Variants in GUCY1B1 observed in about 807,000 individuals in gnomAD.
GUCY1B1 encodes guanylate cyclase soluble subunit beta-1.
In GUCY1B1, 43 loss-of-function variants were observed where a neutral mutation model predicts 71.0. The observed-to-expected ratio is 0.61, with a 90% CI of 0.47 to 0.78. The LOEUF is 0.78. Ranked by LOEUF, GUCY1B1 falls within the 30% of genes least tolerant of loss-of-function variation. The pLI, the probability that GUCY1B1 is intolerant of heterozygous loss-of-function variation, is 0.00. For missense variants in GUCY1B1, 535 were observed against 754.1 expected, an observed-to-expected ratio of 0.71 and a Z score of 3.40; for synonymous variants, 266 against 259.7, an observed-to-expected ratio of 1.02 and a Z score of -0.23.
chr4:155,770,790 G>A (rs1015469225), intron 2 of GUCY1B1, among the ~76,000 whole-genome samples: 1 of 141,062 alleles, frequency 7.1e-6, no homozygotes, highest in African/African-American at 2.6e-5. Flanking sequence ...TCCCCATGAA[G>A]CCTACCATGA....
chr4:155,773,177 CT>C (rs1226150507), intron 2 of GUCY1B1, among the ~76,000 whole-genome samples: 1 of 152,228 alleles, frequency 6.6e-6, no homozygotes, highest in Admixed American at 6.5e-5. Flanking sequence ...GACATCCAAG[CT>C]CCATGTATTT....
intron 4 of GUCY1B1, among the ~76,000 whole-genome samples, chr4:155,778,859 A>C (rs532660621): frequency 1.3e-5 from 2 of 152,198 alleles, no homozygotes; most frequent in Non-Finnish European, 2.9e-5. Flanking sequence ...TTTGTTGGCC[A>C]CTATCAACTT....
chr4:155,769,875 CATA>C (rs971913489), intron 2 of GUCY1B1, among the ~76,000 whole-genome samples: 9 of 151,620 alleles, frequency 5.9e-5, no homozygotes, highest in Admixed American at 3.9e-4. Flanking sequence ...TATATAATTA[CATA>C]ATAATAATGT....
intron 2 of GUCY1B1, among the ~76,000 whole-genome samples, chr4:155,773,302 C>T (rs1401600623): frequency 6.6e-6 from 1 of 152,156 alleles, no homozygotes; most frequent in African/African-American, 2.4e-5. Context: ...TTGTTACATG[C>T]GTAGTAGGTG....
chr4:155,804,788 A>ACC, intron 12 of GUCY1B1, 41 bp downstream of exon 12: 1 of 1,548,696 alleles, frequency 6.5e-7, no homozygotes, highest in Non-Finnish European at 8.8e-7. Context: ...TTGCAAAGAA[A>ACC]ATGTGTCTTT....
chr4:155,791,258 G>A (rs919173165), intron 5 of GUCY1B1, among the ~76,000 whole-genome samples: 1 of 151,314 alleles, frequency 6.6e-6, no homozygotes, highest in African/African-American at 2.4e-5. Flanking sequence ...GGGACTACAG[G>A]CCCCCACCAC....
intron 4 of GUCY1B1, among the ~76,000 whole-genome samples, chr4:155,784,783 A>T (rs909838776): frequency 2.6e-5 from 4 of 152,158 alleles, no homozygotes; most frequent in Non-Finnish European, 4.4e-5. Context: ...ATTTAATTAG[A>T]TGTCCTTGAA....
chr4:155,792,580 C>T (rs142906963), intron 5 of GUCY1B1, among the ~76,000 whole-genome samples: 49 of 150,908 alleles, frequency 3.2e-4, no homozygotes, highest in African/African-American at 9.7e-4. Context: ...TATACAATAG[C>T]ATCTATAGTT....
rs370140434 is a variant in GUCY1B1, at chr4:155,806,553, T to G, written c.*144T>G. The G allele has an allele frequency of 1.7e-6, 1 of 585,836 alleles. No homozygotes were observed. 36.3% of individuals were successfully genotyped at this position (585,836 alleles called of 1,614,324 possible). ...ACCCCAAGACTTTCTTCTAGATATA[T>G]CTCTCACTATCCGTTATTCAACCTT... On this transcript the variant is annotated 3_prime_UTR_variant, in exon 14 of 14. Transcript: ENST00000264424.
chr4:155,777,701 C>T (rs1224078607), intron 4 of GUCY1B1, 59 bp downstream of exon 4: 4 of 825,382 alleles, frequency 4.8e-6, no homozygotes, highest in Non-Finnish European at 8.4e-6. Flanking sequence ...CAAATATAGA[C>T]TCTAGAATAC....
At chr4:155,790,079 G>C (rs1220562876) in intron 5 of GUCY1B1, among the ~76,000 whole-genome samples, 168 bp downstream of exon 5, 1 of 152,178 alleles carries the variant, frequency 6.6e-6, no homozygotes, top group African/African-American at 2.4e-5. Flanking sequence ...GCCTGGGAGT[G>C]CATTATACAG....
At chr4:155,796,089 C>T (rs1739535745) in intron 7 of GUCY1B1, among the ~76,000 whole-genome samples, 2 of 151,816 alleles carry the variant, frequency 1.3e-5, no homozygotes, top group Admixed American at 6.6e-5. Context: ...GGAACCATAC[C>T]GGAAAATCAG....
chr4:155,769,709 T>C (rs183999141), intron 2 of GUCY1B1, among the ~76,000 whole-genome samples: 1 of 152,286 alleles, frequency 6.6e-6, no homozygotes, highest in East Asian at 1.9e-4. Flanking sequence ...TGATATTTTT[T>C]GTCATCTAAG....
chr4:155,795,508 G>A (rs1457947396), intron 7 of GUCY1B1, 51 bp downstream of exon 7: 2 of 878,590 alleles, frequency 2.3e-6, no homozygotes, highest in Non-Finnish European at 3.8e-6. Context: ...TCACAAATTA[G>A]AAGTATTCAG....
chr4:155,803,675 T>C lies in GUCY1B1; in HGVS notation c.1465T>C (p.Cys489Arg). Residue 489 changes from cysteine to arginine, a missense_variant, in exon 11 of 14, where the codon TGC (cysteine) becomes CGC (arginine). Transcript: ENST00000264424. Reference protein sequence around the residue: ...YMTVSGLPEPCIHHARSICHL... With the variant: ...YMTVSGLPEPRIHHARSICHL... ...GACAGTGAGTGGTTTACCAGAGCCA[T>C]GCATTCACCATGCACGATCCATCTG... is the stretch of plus-strand genomic sequence containing the variant. The C allele has an allele frequency of 6.2e-7, 1 of 1,606,260 alleles. No individual in the cohort carries two copies. Among genetic ancestry groups the C allele is most frequent in the Non-Finnish European group, 8.5e-7 (1 of 1,175,996 alleles).
intron 4 of GUCY1B1, among the ~76,000 whole-genome samples, chr4:155,783,141 G>C (rs908824132): frequency 6.6e-6 from 1 of 152,132 alleles, no homozygotes; most frequent in South Asian, 2.1e-4. Context: ...TATATTTTAT[G>C]TCTGTGTTAA....
chr4:155,777,598 A>G lies in GUCY1B1; in HGVS notation c.253A>G (p.Thr85Ala). 3 of 1,608,610 alleles carry G rather than the reference A, an allele frequency of 1.9e-6. No homozygotes were observed. Among genetic ancestry groups the G allele is most frequent in the Non-Finnish European group, 2.6e-6 (3 of 1,175,062 alleles). The change falls in exon 4 of 14, where the codon ACA becomes GCA. Residue 85 changes from threonine to alanine, a missense_variant. Coordinates refer to ENST00000264424, the MANE Select transcript of GUCY1B1 (RefSeq NM_000857.5). ...FVFCQESGYD[T>A]ILRVLGSNVR... Reference sequence around the variant, plus strand: ...CTTTTGCCAAGAATCTGGTTATGATACAATCTTGCGTGTCCTGGGCTCTAA... The same window carrying G: ...CTTTTGCCAAGAATCTGGTTATGATGCAATCTTGCGTGTCCTGGGCTCTAA...
intron 2 of GUCY1B1, among the ~76,000 whole-genome samples, chr4:155,768,390 T>TA (rs3839144): frequency 6.6e-6 from 1 of 151,262 alleles, no homozygotes; most frequent in Non-Finnish European, 1.5e-5. Context: ...AAATAAATAA[T>TA]AAAAAATATT....
intron 6 of GUCY1B1, among the ~76,000 whole-genome samples, chr4:155,794,482 G>A (rs11945334): frequency 0.053 from 8,090 of 151,996 alleles, 710 homozygotes; most frequent in African/African-American, 0.18. Flanking sequence ...GGAAAAGGGG[G>A]GATTTTAAAA....
Sources: allele counts gnomAD v4.1 joint callset (sites outside exome capture counted in the v4.1 genomes callset), GRCh38; gene constraint gnomAD v4.1.1; transcripts MANE v1.5; gene names NCBI Gene and HGNC (gene_info 2026-07-23, HGNC 2026-07-21).